Variants in THSD7B observed in about 807,000 individuals in gnomAD.
The protein encoded by THSD7B is thrombospondin type 1 domain containing 7B, also known as thrombospondin type-1 domain-containing protein 7B.
THSD7B carries 138 observed loss-of-function variants against 213.6 expected under a neutral mutation model. The observed-to-expected ratio is 0.65, with a 90% CI of 0.56 to 0.74. The LOEUF is 0.74. Ranked by LOEUF, THSD7B falls within the 30% of genes least tolerant of loss-of-function variation. THSD7B has a pLI of 0.00. For missense variants in THSD7B, 1,931 were observed against 1,991.5 expected (o/e 0.97, Z 0.58); for synonymous variants, 742 against 687.0 (o/e 1.08, Z -1.25).
At chr2:137,607,323 C>T (rs1365675511) in intron 17 of THSD7B, among the ~76,000 whole-genome samples, 1 of 152,114 alleles carries the variant, frequency 6.6e-6, no homozygotes, top group East Asian at 1.9e-4. Context: ...CTACACAGAC[C>T]TTCCAAACAC....
At chr2:137,570,149 T>C (rs1681324587) in intron 16 of THSD7B, among the ~76,000 whole-genome samples, 1 of 152,024 alleles carries the variant, frequency 6.6e-6, no homozygotes, top group Non-Finnish European at 1.5e-5. Flanking sequence ...AAGGCATTAT[T>C]ACAACTTTTT....
intron 12 of THSD7B, among the ~76,000 whole-genome samples, chr2:137,400,150 T>C (rs999104241): frequency 6.9e-4 from 105 of 152,300 alleles, no homozygotes; most frequent in African/African-American, 2.1e-3. Flanking sequence ...CTAAATTGCT[T>C]TTCTGATTTC....
intron 1 of THSD7B, among the ~76,000 whole-genome samples, chr2:136,838,887 C>A (rs74945506): frequency 0.033 from 5,042 of 152,268 alleles, 152 homozygotes; most frequent in East Asian, 0.16. Context: ...GTGCAGCTGC[C>A]TTGCTCTGTG....
chr2:136,985,245 T>C (rs1363165703), intron 2 of THSD7B, among the ~76,000 whole-genome samples: 2 of 152,022 alleles, frequency 1.3e-5, no homozygotes, highest in African/African-American at 4.8e-5. Context: ...GCCAAGACAA[T>C]GAGGAAAAGG....
At chr2:136,780,669 C>T (rs1331787552) in intron 1 of THSD7B, among the ~76,000 whole-genome samples, 1 of 152,206 alleles carries the variant, frequency 6.6e-6, no homozygotes, top group Non-Finnish European at 1.5e-5. Flanking sequence ...AATCACCTGA[C>T]AAAGTCTTTC....
At chr2:137,365,790 G>A (rs1291349692) in intron 12 of THSD7B, among the ~76,000 whole-genome samples, 2 of 152,204 alleles carry the variant, frequency 1.3e-5, no homozygotes, top group African/African-American at 2.4e-5. Flanking sequence ...TACACTGTTG[G>A]TGGGACTGTA....
At chr2:137,221,724 T>C (rs573326986) in intron 7 of THSD7B, among the ~76,000 whole-genome samples, 27 of 152,324 alleles carry the variant, frequency 1.8e-4, no homozygotes, top group Non-Finnish European at 2.8e-4. Context: ...TAAATTACCA[T>C]ACTTTTCCCA....
intron 2 of THSD7B, among the ~76,000 whole-genome samples, chr2:136,990,412 C>G (rs975919941): frequency 6.6e-6 from 1 of 151,976 alleles, no homozygotes; most frequent in Non-Finnish European, 1.5e-5. Flanking sequence ...CAAGAGTGGC[C>G]GAGAGTCAGG....
At chr2:136,883,070 C>T (rs1379828674) in intron 2 of THSD7B, among the ~76,000 whole-genome samples, 2 of 152,064 alleles carry the variant, frequency 1.3e-5, no homozygotes, top group African/African-American at 2.4e-5. Flanking sequence ...TTAAGTTTCA[C>T]AATCAGATCA....
chr2:137,237,753 T>C (rs1681800793), intron 9 of THSD7B, among the ~76,000 whole-genome samples: 1 of 152,174 alleles, frequency 6.6e-6, no homozygotes, highest in Non-Finnish European at 1.5e-5. Context: ...GTATGGAAAT[T>C]GGAAATGTGA....
At chr2:137,545,697 C>T (rs1680693985) in intron 15 of THSD7B, among the ~76,000 whole-genome samples, 1 of 151,902 alleles carries the variant, frequency 6.6e-6, no homozygotes. Context: ...CAGCTCAGAT[C>T]TAGAACCCTA....
rs115642246 is a variant in THSD7B at position 137,120,855 on chromosome 2, G to A, written c.1369+5562G>A. ...TAGAAGAGTTAGTGAAAGTAATGAC[G>A]TGTGTTCCATCTTTAAATCCCCACT... On this transcript the variant is annotated intron_variant, in intron 5 of 27. Coordinates refer to ENST00000409968, the MANE Select transcript of THSD7B (RefSeq NM_001316349.2). Among the ~76,000 whole-genome samples the A allele has an allele frequency of 3.5e-3, 532 of 152,302 alleles. 3 individuals carry two copies. Among genetic ancestry groups the A allele is most frequent in the African/African-American group, 0.011 (453 of 41,564 alleles).
chr2:137,451,101 C>A, intron 15 of THSD7B, 78 bp downstream of exon 15: 2 of 1,388,592 alleles, frequency 1.4e-6, no homozygotes, highest in East Asian at 2.6e-5. Flanking sequence ...TGAAGTCATT[C>A]TCTTATTACA....
chr2:136,852,787 T>G (rs1258394793), intron 1 of THSD7B, among the ~76,000 whole-genome samples: 1 of 152,204 alleles, frequency 6.6e-6, no homozygotes, highest in East Asian at 1.9e-4. Flanking sequence ...TCACACAAAA[T>G]TAATTTTATT....
In THSD7B at chr2:136,990,778, G is replaced by C. The variant is rs1213318702; in HGVS notation, c.140-65642G>C. On this transcript the variant is annotated intron_variant, in intron 2 of 27. Transcript: ENST00000409968. ...CTTCTCTAATACCTTGTTTGAGATG[G>C]AGATACTGATTAGGACACGCCACAG... is the stretch of plus-strand genomic sequence containing the variant. 6.2e-6 allele frequency: 4 copies of C among 642,232 alleles called. No individual in the cohort carries two copies. In the Admixed American group the frequency reaches 7.6e-5, roughly 12 times the overall value. 39.8% of individuals were successfully genotyped at this position (642,232 alleles called of 1,614,324 possible).
Position 137,276,017 on chromosome 2 carries a change from C to G in THSD7B, c.2491C>G (p.Gln831Glu). Residue 831 changes from glutamine to glutamate, a missense_variant, in exon 12 of 28, where the codon CAA (glutamine) becomes GAA (glutamate). Transcript: ENST00000409968. Reference sequence around the variant, plus strand: ...CAGTGAAGCCTGTGGAAAGGGGTTACAAACAAGAGGTATGATGATTTTTAC... The same window carrying G: ...CAGTGAAGCCTGTGGAAAGGGGTTAGAAACAAGAGGTATGATGATTTTTAC... Reference protein sequence around the residue: ...GSSEACGKGLQTRAVSCISDD... With the variant: ...GSSEACGKGLETRAVSCISDD... 6.2e-7 allele frequency: 1 copy of G among 1,610,326 alleles called. No individual in the cohort carries two copies. The highest frequency in any genetic ancestry group is 8.5e-7 in the Non-Finnish European group (1 of 1,178,012).
intron 4 of THSD7B, among the ~76,000 whole-genome samples, chr2:137,109,756 T>TGCTCATCTGCA (rs1553471515): frequency 2.7e-5 from 1 of 37,074 alleles, no homozygotes; most frequent in Non-Finnish European, 1.3e-4. Context: ...AAGCTTCACT[T>TGCTCATCTGCA]GCTCACCTGC....
intron 15 of THSD7B, among the ~76,000 whole-genome samples, chr2:137,540,048 C>G (rs28415678): frequency 0.041 from 6,210 of 151,628 alleles, 194 homozygotes; most frequent in Non-Finnish European, 0.058. Flanking sequence ...AATGTCTTAT[C>G]TAAAAATGAA....
At chr2:137,502,285 G>A (rs1018802154) in intron 15 of THSD7B, among the ~76,000 whole-genome samples, 1 of 143,866 alleles carries the variant, frequency 7.0e-6, no homozygotes, top group Non-Finnish European at 1.6e-5. Context: ...AATCCTTACT[G>A]ACAGATAGAT....
Sources: gnomAD v4.1 joint callset for allele counts (sites outside exome capture counted in the v4.1 genomes callset) on GRCh38, gnomAD v4.1.1 for gene constraint, MANE v1.5 for transcripts, NCBI Gene and HGNC (gene_info 2026-07-23, HGNC 2026-07-21) for gene names.